Variants in ARID1B observed in about 807,000 individuals in gnomAD.
ARID1B encodes AT-rich interaction domain 1B.
A neutral mutation model predicts 212.3 loss-of-function variants in ARID1B; 30 were observed. The observed-to-expected ratio is 0.14, with a 90% confidence interval of 0.11 to 0.19. The LOEUF is 0.19. Ranked by LOEUF, ARID1B falls within the 10% of genes least tolerant of loss-of-function variation. ARID1B has a pLI of 1.00. For synonymous variants in ARID1B, 1,402 were observed against 1,301.7 expected (o/e 1.08, Z -1.66); for missense variants, 2,891 against 3,204.0 (o/e 0.90, Z 2.36).
intron 4 of ARID1B, among the ~76,000 whole-genome samples, chr6:157,013,962 C>T (rs944608447): frequency 8.5e-5 from 13 of 152,160 alleles, no homozygotes; most frequent in Non-Finnish European, 1.6e-4. Flanking sequence ...CTTTGGGTAT[C>T]ATGAAATTTT....
chr6:156,956,930 T>C (rs945988595), intron 4 of ARID1B, among the ~76,000 whole-genome samples: 1 of 152,184 alleles, frequency 6.6e-6, no homozygotes, highest in Non-Finnish European at 1.5e-5. Context: ...CAGTTCTAGA[T>C]TATGGATCCC....
chr6:157,051,959 T>C (rs1249274453), intron 4 of ARID1B, among the ~76,000 whole-genome samples: 1 of 152,252 alleles, frequency 6.6e-6, no homozygotes, highest in Non-Finnish European at 1.5e-5. Context: ...TATTTTGCTT[T>C]ATTTTAGTTT....
At chr6:156,945,872 G>T (rs886552482) in intron 4 of ARID1B, among the ~76,000 whole-genome samples, 1 of 151,576 alleles carries the variant, frequency 6.6e-6, no homozygotes, top group Admixed American at 6.6e-5. Context: ...CCTGGGTGTG[G>T]TAGGGCATGC....
chr6:156,924,910 G>A (rs1562488093), intron 3 of ARID1B, among the ~76,000 whole-genome samples: 1 of 152,034 alleles, frequency 6.6e-6, no homozygotes, highest in Non-Finnish European at 1.5e-5. Flanking sequence ...ATCTTAACTA[G>A]TCTTTAGTCT....
intron 7 of ARID1B, among the ~76,000 whole-genome samples, chr6:157,139,504 G>A (rs1436629016): frequency 6.6e-6 from 1 of 152,128 alleles, no homozygotes; most frequent in East Asian, 1.9e-4. Context: ...TCCCTGGCCC[G>A]CCTGCAGGGG....
rs1249323953 is a variant in ARID1B, at chr6:157,148,164, C to T, written c.2762-460C>T. On this transcript the variant is annotated intron_variant, in intron 7 of 19. Coordinates refer to ENST00000636930, the MANE Select transcript of ARID1B (RefSeq NM_001374828.1). This position sits in a 1 kb window ranked among gnomAD's most constrained non-coding sequence, Gnocchi z 5.6. ...TAAAGGATGATTTTGACCATATGTG[C>T]ATGTCGTCTTACACGTTGTCTTTTT... 6.6e-6 allele frequency among the ~76,000 whole-genome samples: 1 copy of T among 152,054 alleles called. No homozygotes were observed. Among genetic ancestry groups the T allele is most frequent in the Non-Finnish European group, 1.5e-5 (1 of 68,020 alleles).
chr6:157,048,051 G>A (rs1245595066), intron 4 of ARID1B, among the ~76,000 whole-genome samples: 5 of 152,176 alleles, frequency 3.3e-5, no homozygotes, highest in Non-Finnish European at 7.4e-5. Context: ...GCACTGCCAA[G>A]TTTTAAAGCA....
At chr6:157,077,687 T>C (rs988516288) in intron 4 of ARID1B, among the ~76,000 whole-genome samples, 7 of 152,196 alleles carry the variant, frequency 4.6e-5, no homozygotes, top group African/African-American at 1.7e-4. Context: ...TCACCCTCCA[T>C]CATAGAATTT....
At chr6:157,122,121 C>T (rs921816105) in intron 6 of ARID1B, among the ~76,000 whole-genome samples, 1 of 152,158 alleles carries the variant, frequency 6.6e-6, no homozygotes, top group Non-Finnish European at 1.5e-5. Context: ...GTCATTAGGC[C>T]AACTAGGCCA....
Position 157,181,090 on chromosome 6 carries a change from C to T in ARID1B, c.3626C>T (p.Pro1209Leu), listed in dbSNP as rs377588212. The T allele has an allele frequency of 1.2e-6, 2 of 1,614,102 alleles. No homozygotes were observed. The highest frequency in any genetic ancestry group is 1.7e-6 in the Non-Finnish European group (2 of 1,180,052). ...ACCTTCATGGAAGAGAGAGGCTCTC[C>T]TGTCTCAAGTCTGCCTGCCGTGGGC... ...YLTFMEERGS[P>L]VSSLPAVGKK... The change falls in exon 12 of 20, where the codon CCT becomes CTT. Residue 1209 changes from proline (P) to leucine (L), a missense_variant. By Grantham distance (98) the Pro-to-Leu change is moderately conservative. Around this residue, in one of 7 missense-constraint regions of ARID1B, gnomAD observed 666 missense variants for 873.5 expected, o/e 0.76. Coordinates refer to ENST00000636930, the MANE Select transcript of ARID1B (RefSeq NM_001374828.1).
chr6:157,173,911 A>G (rs2128303616), intron 9 of ARID1B, 97 bp from the exon 10 acceptor site: 1 of 996,936 alleles, frequency 1.0e-6, no homozygotes, highest in South Asian at 1.6e-5. Flanking sequence ...AGGGAAATGC[A>G]AGGGCCTCCT....
intron 4 of ARID1B, among the ~76,000 whole-genome samples, chr6:157,076,045 A>G (rs2128442376): frequency 6.6e-6 from 1 of 152,324 alleles, no homozygotes; most frequent in Non-Finnish European, 1.5e-5. Flanking sequence ...TAAATGTGCC[A>G]TGTTATGTGA....
intron 4 of ARID1B, among the ~76,000 whole-genome samples, chr6:156,972,822 A>C (rs762688737): frequency 3.3e-5 from 5 of 152,236 alleles, no homozygotes; most frequent in Non-Finnish European, 7.3e-5. Context: ...AAAGGTGGTC[A>C]CTTTTTAGAA....
intron 10 of ARID1B, 115 bp from the exon 11 acceptor site, chr6:157,174,732 A>G: frequency 3.7e-6 from 1 of 270,872 alleles, no homozygotes; most frequent in Non-Finnish European, 6.6e-6. Context: ...ATATATATAT[A>G]TATATATAAT....
intron 6 of ARID1B, 94 bp from the exon 7 acceptor site, chr6:157,132,934 C>T (rs1048948867): frequency 1.5e-5 from 20 of 1,347,700 alleles, no homozygotes; most frequent in African/African-American, 1.2e-4. Context: ...AGCCTTCTCC[C>T]CTGCCACCTG....
intron 4 of ARID1B, among the ~76,000 whole-genome samples, chr6:157,000,631 G>A (rs546982260): frequency 2.0e-5 from 3 of 150,888 alleles, no homozygotes; most frequent in South Asian, 4.2e-4. Context: ...TGGGGGTAGA[G>A]TGAGTGATTC....
intron 1 of ARID1B, among the ~76,000 whole-genome samples, chr6:156,814,520 GT>G (rs942627756): frequency 2.4e-4 from 37 of 152,054 alleles, no homozygotes; most frequent in African/African-American, 8.0e-4. Context: ...AATGGGGGTT[GT>G]TTTAAGCCTG....
At chr6:156,958,506 T>C (rs142185458) in intron 4 of ARID1B, among the ~76,000 whole-genome samples, 26 of 152,368 alleles carry the variant, frequency 1.7e-4, no homozygotes, top group African/African-American at 3.4e-4. Context: ...TGTAGTGTGC[T>C]ATTATGATGG....
At chr6:157,141,554 T>G (rs1156421305) in intron 7 of ARID1B, among the ~76,000 whole-genome samples, 1 of 152,226 alleles carries the variant, frequency 6.6e-6, no homozygotes, top group Non-Finnish European at 1.5e-5. Flanking sequence ...TTGATGCATT[T>G]CTCTGGCTGA....
Sources: gnomAD v4.1 joint callset for allele counts (sites outside exome capture counted in the v4.1 genomes callset) on GRCh38, gnomAD v4.1.1 for gene constraint, gnomAD v4.1.1 regional missense constraint, Gnocchi (gnomAD v3.1) non-coding constraint, MANE v1.5 for transcripts, NCBI Gene and HGNC (gene_info 2026-07-23, HGNC 2026-07-21) for gene names.